The following ATP11A variants were observed in gnomAD, a reference collection of about 807,000 sequenced individuals.
The protein encoded by ATP11A is ATPase phospholipid transporting 11A.
A neutral mutation model predicts 154.4 loss-of-function variants in ATP11A; 81 were observed. The observed-to-expected ratio is 0.52, with a 90% CI of 0.44 to 0.63. The LOEUF is 0.63. Among genes scored for constraint, ATP11A ranks in the 30% least tolerant of loss-of-function variants. The pLI is 0.00. For missense variants in ATP11A, 1,316 were observed against 1,474.3 expected (o/e 0.89, Z 1.76); for synonymous variants, 623 against 585.9 (o/e 1.06, Z -0.91).
intron 2 of ATP11A, among the ~76,000 whole-genome samples, chr13:112,787,060 C>CGGGTGTCCTGATGCGTAGACCG (rs2077652226): frequency 2.8e-5 from 3 of 108,336 alleles, no homozygotes; most frequent in Non-Finnish European, 6.5e-5. Flanking sequence ...TAATTCACAC[C>CGGGTGTCCTGATGCGTAGACCG]GGGTGTCCTG....
At chr13:112,823,198 T>C in intron 8 of ATP11A, 147 bp from the exon 9 acceptor site, 1 of 665,836 alleles carries the variant, frequency 1.5e-6, no homozygotes, top group Non-Finnish European at 2.7e-6. Context: ...CTTAATCATC[T>C]GAATATAAGC....
intron 1 of ATP11A, among the ~76,000 whole-genome samples, chr13:112,698,195 T>C (rs1416210349): frequency 1.3e-5 from 2 of 152,164 alleles, no homozygotes; most frequent in Non-Finnish European, 1.5e-5. Context: ...ACTCCTGGCC[T>C]GCTGGTTTCC....
chr13:112,731,473 C>T (rs1890475892), intron 1 of ATP11A, among the ~76,000 whole-genome samples: 1 of 152,200 alleles, frequency 6.6e-6, no homozygotes, highest in Admixed American at 6.6e-5. Context: ...TCATTCCAGC[C>T]AGCTGAGGTT....
At chr13:112,784,685 G>T (rs531005221) in intron 1 of ATP11A, among the ~76,000 whole-genome samples, 1 of 152,082 alleles carries the variant, frequency 6.6e-6, no homozygotes, top group South Asian at 2.1e-4. Context: ...ACCACACCCG[G>T]CTAATTTTTT....
chr13:112,706,347 A>T (rs951982840), intron 1 of ATP11A, among the ~76,000 whole-genome samples: 1 of 152,236 alleles, frequency 6.6e-6, no homozygotes, highest in African/African-American at 2.4e-5. Flanking sequence ...ATAGTAAGAG[A>T]CAGAAAGTCA....
chr13:112,710,140 G>A (rs534984576), intron 1 of ATP11A, among the ~76,000 whole-genome samples: 5 of 152,384 alleles, frequency 3.3e-5, no homozygotes, highest in African/African-American at 1.2e-4. Context: ...CGGGGAGGCC[G>A]GCTGCAGTCG....
chr13:112,834,068 C>T (rs2079167599), intron 14 of ATP11A, among the ~76,000 whole-genome samples: 1 of 152,218 alleles, frequency 6.6e-6, no homozygotes, highest in African/African-American at 2.4e-5. Context: ...CCCTGAAGGT[C>T]GCTGACCCCC....
chr13:112,700,524 T>C (rs1886393277), intron 1 of ATP11A, among the ~76,000 whole-genome samples: 2 of 152,184 alleles, frequency 1.3e-5, no homozygotes, highest in Admixed American at 6.5e-5. Context: ...TGGCACTGGG[T>C]GCTGAGGGTG....
chr13:112,802,286 C>T lies in ATP11A; in HGVS notation c.163-2671C>T, dbSNP rs916972828. ...GCGCGAACCCAGGAGGCAGAGCTTG[C>T]GGTGAGCCGAGATCGCGCCACTGCA... On this transcript the variant is annotated intron_variant, in intron 2 of 29. Transcript: ENST00000375645. 6.6e-5 allele frequency among the ~76,000 whole-genome samples: 10 copies of T among 151,894 alleles called. No homozygotes were observed. In the East Asian group the frequency reaches 1.4e-3, roughly 21 times the overall value.
chr13:112,798,245 C>T (rs1199980332), intron 2 of ATP11A, among the ~76,000 whole-genome samples: 1 of 152,228 alleles, frequency 6.6e-6, no homozygotes, highest in African/African-American at 2.4e-5. Context: ...ACATTCAAAC[C>T]ATAGCAAGAA....
At chr13:112,857,547 C>G (rs2079965281) in intron 20 of ATP11A, among the ~76,000 whole-genome samples, 2 of 152,208 alleles carry the variant, frequency 1.3e-5, no homozygotes, top group African/African-American at 4.8e-5. Flanking sequence ...TCTCACATCT[C>G]TACTGCCAAA....
intron 1 of ATP11A, among the ~76,000 whole-genome samples, chr13:112,783,852 C>G (rs537496495): frequency 8.9e-4 from 136 of 152,314 alleles, no homozygotes; most frequent in African/African-American, 2.8e-3. Flanking sequence ...TATTTCTTGT[C>G]AGAGCTGTTT....
intron 1 of ATP11A, among the ~76,000 whole-genome samples, chr13:112,735,323 C>T (rs916752587): frequency 6.6e-6 from 1 of 152,146 alleles, no homozygotes; most frequent in South Asian, 2.1e-4. Flanking sequence ...GCCCCGAAAG[C>T]CGGGCATTGC....
chr13:112,831,190 A>G (rs1316183364), intron 12 of ATP11A, among the ~76,000 whole-genome samples, 185 bp from the exon 13 acceptor site: 1 of 152,158 alleles, frequency 6.6e-6, no homozygotes, highest in African/African-American at 2.4e-5. Flanking sequence ...GACGCTGGGA[A>G]GGAGGATGAG....
chr13:112,739,910 C>T (rs920486290), intron 1 of ATP11A, among the ~76,000 whole-genome samples: 4 of 152,138 alleles, frequency 2.6e-5, no homozygotes, highest in African/African-American at 9.6e-5. Context: ...ATTTATGTGA[C>T]ATGTCCAGAA....
At chr13:112,877,503 C>G (rs1326429406) in intron 28 of ATP11A, among the ~76,000 whole-genome samples, 4 of 152,222 alleles carry the variant, frequency 2.6e-5, no homozygotes, top group African/African-American at 9.6e-5. Flanking sequence ...ACAAGGACAT[C>G]AGGCACAGAA....
intron 1 of ATP11A, among the ~76,000 whole-genome samples, chr13:112,691,106 G>A (rs1885107117): frequency 1.3e-5 from 2 of 152,170 alleles, no homozygotes; most frequent in Admixed American, 1.3e-4. Flanking sequence ...AGACTCGGAA[G>A]GGGAAAAGTT....
rs186595862 is a variant in ATP11A at position 112,838,973 on chromosome 13, T to G, written c.1705+2722T>G. Among the ~76,000 whole-genome samples, 1,357 of 152,142 alleles carry G rather than the reference T, an allele frequency of 8.9e-3. 24 individuals carry two copies. Among genetic ancestry groups the G allele is most frequent in the African/African-American group, 0.03 (1,256 of 41,538 alleles). ...CTCCTGGGCTCAGCCCTGTAGGGGG[T>G]TGCGGCTGTCAGAGCCGGATCTCAC... On this transcript the variant is annotated intron_variant, in intron 16 of 29. Transcript: ENST00000375645. The surrounding 1 kb of genome is among the most constrained non-coding windows in gnomAD (Gnocchi z 7.3).
At chr13:112,707,150 T>A (rs891639350) in intron 1 of ATP11A, among the ~76,000 whole-genome samples, 1 of 152,146 alleles carries the variant, frequency 6.6e-6, no homozygotes, top group Non-Finnish European at 1.5e-5. Flanking sequence ...GCGTGGTGGC[T>A]CACACCTGTA....
Sources: allele counts gnomAD v4.1 joint callset (sites outside exome capture counted in the v4.1 genomes callset), GRCh38; gene constraint gnomAD v4.1.1; non-coding constraint Gnocchi (gnomAD v3.1); transcripts MANE v1.5; gene names NCBI Gene and HGNC (gene_info 2026-07-23, HGNC 2026-07-21).